The following CCSER1 variants were observed in gnomAD, a reference collection of about 807,000 sequenced individuals.
CCSER1 encodes serine-rich coiled-coil domain-containing protein 1.
In CCSER1, 41 loss-of-function variants were observed where a neutral mutation model predicts 82.0. That is an observed-to-expected ratio of 0.50 (90% CI 0.39 to 0.65). CCSER1 has a LOEUF of 0.65. CCSER1 is among the 30% of genes least tolerant of loss of function. The probability of loss-of-function intolerance (pLI) is 0.00; values close to 1 mark genes in which losing one functional copy is unlikely to be tolerated. For synonymous variants in CCSER1, 414 were observed against 383.9 expected (o/e 1.08, Z -0.92); for missense variants, 1,119 against 1,064.2 (o/e 1.05, Z -0.72).
rs550832419 is a variant in CCSER1, at chr4:91,023,538, C to G, written c.2173-62412C>G. On this transcript the variant is annotated intron_variant, in intron 9 of 10. Coordinates refer to ENST00000509176, the MANE Select transcript of CCSER1 (RefSeq NM_001145065.2). ...ACCATCTGATCTTTGACAAACCTGA[C>G]AAAAACAAGCAATGGGGAAAGGATT... 1.4e-4 allele frequency among the ~76,000 whole-genome samples: 21 copies of G among 152,180 alleles called. No homozygotes were observed. The South Asian group carries it at 4.1e-3, about 30-fold the overall frequency.
At chr4:91,460,451 C>T (rs1051057110) in intron 10 of CCSER1, among the ~76,000 whole-genome samples, 8 of 151,964 alleles carry the variant, frequency 5.3e-5, no homozygotes, top group Non-Finnish European at 8.8e-5. Context: ...ATGGCTCTAA[C>T]GATATGCCAC....
At chr4:91,116,708 A>G (rs888223762) in intron 10 of CCSER1, among the ~76,000 whole-genome samples, 4 of 152,202 alleles carry the variant, frequency 2.6e-5, no homozygotes. Flanking sequence ...CAGTTTAGGA[A>G]GGATAGGAAT....
At chr4:90,398,471 C>T (rs907351764) in intron 3 of CCSER1, among the ~76,000 whole-genome samples, 39 of 152,274 alleles carry the variant, frequency 2.6e-4, no homozygotes, top group Admixed American at 9.2e-4. Context: ...AAGAGTCTCT[C>T]ATTTGGATAG....
intron 10 of CCSER1, among the ~76,000 whole-genome samples, chr4:91,300,492 A>G (rs186788832): frequency 6.6e-6 from 1 of 152,048 alleles, no homozygotes; most frequent in Non-Finnish European, 1.5e-5. Flanking sequence ...CATATGCCTC[A>G]GGTAGATACT....
chr4:91,450,405 C>G (rs575338545), intron 10 of CCSER1, among the ~76,000 whole-genome samples: 1 of 152,162 alleles, frequency 6.6e-6, no homozygotes, highest in Non-Finnish European at 1.5e-5. Flanking sequence ...TTCCATTTAT[C>G]TGGAATCATG....
intron 7 of CCSER1, among the ~76,000 whole-genome samples, chr4:90,801,802 A>T (rs1328500328): frequency 6.6e-6 from 1 of 152,234 alleles, no homozygotes; most frequent in Non-Finnish European, 1.5e-5. Flanking sequence ...TACCAGAGAA[A>T]ATCAGAGTAA....
intron 1 of CCSER1, among the ~76,000 whole-genome samples, chr4:90,150,164 T>C (rs1726551258): frequency 6.6e-6 from 1 of 152,180 alleles, no homozygotes; most frequent in Admixed American, 6.5e-5. Context: ...ATCTGCTAAT[T>C]CTACAGGACC....
chr4:90,193,391 A>G (rs918894433), intron 1 of CCSER1, among the ~76,000 whole-genome samples: 4 of 152,092 alleles, frequency 2.6e-5, no homozygotes, highest in Non-Finnish European at 5.9e-5. Context: ...TCCCTAGTAG[A>G]GTGGCAAGGA....
At chr4:90,148,867 A>C (rs1470128308) in intron 1 of CCSER1, among the ~76,000 whole-genome samples, 1 of 152,130 alleles carries the variant, frequency 6.6e-6, no homozygotes, top group Non-Finnish European at 1.5e-5. Flanking sequence ...TTCCTCCTAG[A>C]AGGCATAGGC....
intron 5 of CCSER1, among the ~76,000 whole-genome samples, chr4:90,555,078 C>T (rs1777953941): frequency 6.6e-6 from 1 of 151,870 alleles, no homozygotes; most frequent in Non-Finnish European, 1.5e-5. Context: ...TGCTGTAATG[C>T]ATTTTTTGCT....
chr4:91,427,279 C>T (rs956474728), intron 10 of CCSER1, among the ~76,000 whole-genome samples: 8 of 152,156 alleles, frequency 5.3e-5, no homozygotes, highest in Admixed American at 3.3e-4. Flanking sequence ...AATTTCCCCA[C>T]GGCCCATCCT....
chr4:90,942,949 C>CATATAT (rs35680938), intron 9 of CCSER1, among the ~76,000 whole-genome samples: 6 of 145,138 alleles, frequency 4.1e-5, no homozygotes, highest in African/African-American at 1.0e-4. Flanking sequence ...AATTATTTTT[C>CATATAT]ATATATATAT....
At chr4:90,823,161 A>AT (rs1759983132) in intron 8 of CCSER1, among the ~76,000 whole-genome samples, 1 of 152,224 alleles carries the variant, frequency 6.6e-6, no homozygotes, top group African/African-American at 2.4e-5. Context: ...TCCTAAGAAG[A>AT]TTTTTTTGTG....
chr4:90,732,966 G>A (rs1422863587), intron 7 of CCSER1, among the ~76,000 whole-genome samples: 1 of 152,100 alleles, frequency 6.6e-6, no homozygotes, highest in Non-Finnish European at 1.5e-5. Context: ...AATCTTGACT[G>A]CTACGAATAG....
chr4:91,165,854 G>C (rs561462766), intron 10 of CCSER1, among the ~76,000 whole-genome samples: 1 of 152,184 alleles, frequency 6.6e-6, no homozygotes, highest in Non-Finnish European at 1.5e-5. Flanking sequence ...CCCTTGGCTC[G>C]GAAAGGGAAA....
chr4:90,474,819 C>A (rs1026783000), intron 5 of CCSER1, among the ~76,000 whole-genome samples: 2 of 151,890 alleles, frequency 1.3e-5, no homozygotes, highest in African/African-American at 4.8e-5. Context: ...TGAACCTTGG[C>A]AAGTTAAATA....
intron 9 of CCSER1, among the ~76,000 whole-genome samples, chr4:91,059,328 A>G (rs1300316175): frequency 6.7e-6 from 1 of 150,158 alleles, no homozygotes; most frequent in South Asian, 2.1e-4. Flanking sequence ...ATATACATAT[A>G]GTGTATATAT....
chr4:90,409,892 T>C (rs1754402108), intron 4 of CCSER1, among the ~76,000 whole-genome samples: 1 of 152,066 alleles, frequency 6.6e-6, no homozygotes, highest in African/African-American at 2.4e-5. Context: ...ACCCATCTCA[T>C]GTGCAGAGAC....
intron 6 of CCSER1, among the ~76,000 whole-genome samples, chr4:90,704,770 T>C (rs1436238701): frequency 6.6e-6 from 1 of 152,238 alleles, no homozygotes; most frequent in Non-Finnish European, 1.5e-5. Context: ...TTGAATTCGC[T>C]ACTGAAGCTT....
Sources: gnomAD v4.1 joint callset for allele counts (sites outside exome capture counted in the v4.1 genomes callset) on GRCh38, gnomAD v4.1.1 for gene constraint, MANE v1.5 for transcripts, NCBI Gene and HGNC (gene_info 2026-07-23, HGNC 2026-07-21) for gene names.